The following SPECC1 variants were observed in gnomAD, a reference collection of about 807,000 sequenced individuals.
SPECC1 encodes sperm antigen with calponin homology and coiled-coil domains 1, also known as cytospin-B.
Under a neutral mutation model 104.1 loss-of-function variants are expected in SPECC1, and 62 were observed. The observed-to-expected ratio is 0.60, with a 90% CI of 0.49 to 0.74. SPECC1 has a LOEUF of 0.74. Among genes scored for constraint, SPECC1 ranks in the 30% least tolerant of loss-of-function variants. SPECC1 has a pLI of 0.00. For missense variants in SPECC1, 1,306 were observed against 1,310.5 expected (o/e 1.00, Z 0.05); for synonymous variants, 513 against 501.6 (o/e 1.02, Z -0.30).
chr17:20,026,142 ATAT>A (rs2044591151), intron 1 of SPECC1, among the ~76,000 whole-genome samples: 1 of 151,152 alleles, frequency 6.6e-6, no homozygotes, highest in Non-Finnish European at 1.5e-5. Context: ...TAATTTGCAG[ATAT>A]TTTATTTCTT....
intron 3 of SPECC1, among the ~76,000 whole-genome samples, chr17:20,188,066 G>A (rs1176675081): frequency 6.6e-6 from 1 of 152,174 alleles, no homozygotes; most frequent in Non-Finnish European, 1.5e-5. Flanking sequence ...AGTGGAAGGG[G>A]CTGTCTAGTG....
intron 12 of SPECC1, among the ~76,000 whole-genome samples, chr17:20,282,352 T>C (rs947925294): frequency 1.3e-5 from 2 of 152,194 alleles, no homozygotes; most frequent in Non-Finnish European, 2.9e-5. Flanking sequence ...AGGGCGCTGC[T>C]TCCTGCACCA....
intron 9 of SPECC1, among the ~76,000 whole-genome samples, chr17:20,252,385 T>C (rs975569330): frequency 1.3e-5 from 2 of 152,156 alleles, no homozygotes; most frequent in Admixed American, 1.3e-4. Context: ...GTAGTGAGCA[T>C]AGTACCCAAC....
intron 1 of SPECC1, among the ~76,000 whole-genome samples, chr17:20,083,684 A>G (rs544701502): frequency 6.6e-6 from 1 of 152,344 alleles, no homozygotes; most frequent in Non-Finnish European, 1.5e-5. Context: ...CTGTTACGAA[A>G]TCAAGCTGCC....
At chr17:20,190,654 A>G (rs966515781) in intron 3 of SPECC1, among the ~76,000 whole-genome samples, 1 of 152,186 alleles carries the variant, frequency 6.6e-6, no homozygotes, top group African/African-American at 2.4e-5. Flanking sequence ...CGTGGTTTAC[A>G]TTGAGGTTCA....
chr17:20,082,677 T>C (rs1315680383), intron 1 of SPECC1, among the ~76,000 whole-genome samples: 1 of 152,180 alleles, frequency 6.6e-6, no homozygotes, highest in Non-Finnish European at 1.5e-5. Context: ...TGTCCTAATC[T>C]TTTCTTATAT....
At chr17:20,196,820 A>G (rs1239436871) in intron 3 of SPECC1, among the ~76,000 whole-genome samples, 1 of 152,250 alleles carries the variant, frequency 6.6e-6, no homozygotes, top group Non-Finnish European at 1.5e-5. Flanking sequence ...TTATGACCTT[A>G]AAGCATTTAA....
At chr17:20,030,413 T>G (rs923869990) in intron 1 of SPECC1, among the ~76,000 whole-genome samples, 5 of 152,032 alleles carry the variant, frequency 3.3e-5, no homozygotes, top group African/African-American at 1.2e-4. Context: ...ATTATTATTT[T>G]TAAATTTTTT....
chr17:20,086,172 C>G (rs575729655), intron 1 of SPECC1, among the ~76,000 whole-genome samples: 1 of 152,216 alleles, frequency 6.6e-6, no homozygotes, highest in Non-Finnish European at 1.5e-5. Context: ...GCCTTGTTGC[C>G]CTGTGGCTGT....
At chr17:20,109,084 G>A (rs1291621856) in intron 2 of SPECC1, among the ~76,000 whole-genome samples, 7 of 152,328 alleles carry the variant, frequency 4.6e-5, no homozygotes, top group Admixed American at 2.6e-4. Flanking sequence ...CTTGGTATTG[G>A]TGTTTATTCA....
chr17:20,296,423 GC>G (rs539230773), intron 12 of SPECC1, among the ~76,000 whole-genome samples: 5 of 152,302 alleles, frequency 3.3e-5, no homozygotes, highest in Admixed American at 2.0e-4. Context: ...GGTTGCTGTA[GC>G]CTTGGAGTAT....
intron 1 of SPECC1, among the ~76,000 whole-genome samples, chr17:20,016,704 C>T (rs2044143974): frequency 6.6e-6 from 1 of 152,252 alleles, no homozygotes; most frequent in South Asian, 2.1e-4. Flanking sequence ...ATGCCTGAGC[C>T]ACCCCCACCT....
intron 7 of SPECC1, chr17:20,237,072 A>G (rs1221419355): frequency 6.9e-7 from 1 of 1,452,634 alleles, no homozygotes; most frequent in Non-Finnish European, 9.0e-7. Context: ...ACATTTTGGG[A>G]TCAGCTTACT....
chr17:20,306,729 G>T (rs1252317444), intron 14 of SPECC1, among the ~76,000 whole-genome samples: 2 of 152,236 alleles, frequency 1.3e-5, no homozygotes, highest in South Asian at 4.1e-4. Context: ...AGGGCCAGAT[G>T]AGGTTTAGAG....
rs532981790 is a variant in SPECC1, at chr17:20,235,097, G to A, written c.2351+2692G>A. ...TTAAAAGAGGTGGGAAGAGGGGGTC[G>A]TTTTTGAGGTCTCTTTAAGCTCTGC... On this transcript the variant is annotated intron_variant, in intron 7 of 14. Transcript: ENST00000395527. Among the ~76,000 whole-genome samples, 7 of 152,316 alleles carry A rather than the reference G, an allele frequency of 4.6e-5. No individual in the cohort carries two copies. In the South Asian group the frequency reaches 6.2e-4, roughly 14 times the overall value.
intron 2 of SPECC1, among the ~76,000 whole-genome samples, chr17:20,103,500 C>A (rs1264061153): frequency 6.6e-6 from 1 of 152,150 alleles, no homozygotes; most frequent in South Asian, 2.1e-4. Flanking sequence ...CGTCCAGCCT[C>A]TAGTGGGTTT....
intron 12 of SPECC1, among the ~76,000 whole-genome samples, chr17:20,294,778 A>C (rs1048962002): frequency 6.6e-6 from 1 of 152,134 alleles, no homozygotes; most frequent in Non-Finnish European, 1.5e-5. Context: ...GTACAAAACT[A>C]ATCAGGTGGG....
At chr17:20,021,507 T>C (rs1240377532) in intron 1 of SPECC1, among the ~76,000 whole-genome samples, 1 of 151,802 alleles carries the variant, frequency 6.6e-6, no homozygotes, top group Non-Finnish European at 1.5e-5. Flanking sequence ...CTTATGGACT[T>C]GTGTGAGAAT....
intron 7 of SPECC1, among the ~76,000 whole-genome samples, chr17:20,233,138 C>T (rs1243947013): frequency 1.3e-5 from 2 of 152,166 alleles, no homozygotes; most frequent in Non-Finnish European, 1.5e-5. Context: ...ATTATATTTA[C>T]CCAATGAGGA....
Sources: gnomAD v4.1 joint callset for allele counts (sites outside exome capture counted in the v4.1 genomes callset) on GRCh38, gnomAD v4.1.1 for gene constraint, MANE v1.5 for transcripts, NCBI Gene and HGNC (gene_info 2026-07-23, HGNC 2026-07-21) for gene names.